GXYLT2: variants seen among roughly 807,000 people sequenced by gnomAD.
GXYLT2 encodes glycosyltransferase 8 domain containing 4.
In GXYLT2, 53 loss-of-function variants were observed where a neutral mutation model predicts 45.8. The ratio of observed to expected loss-of-function variants is 1.16; its 90% CI spans 0.93 to 1.46. The LOEUF (loss-of-function observed/expected upper bound fraction) is 1.46, where lower values mean the gene tolerates loss of function less well. Among genes scored for constraint, GXYLT2 ranks in the 40% most tolerant of loss-of-function variants. The probability of loss-of-function intolerance (pLI) is 0.00; values close to 1 mark genes in which losing one functional copy is unlikely to be tolerated. For missense variants in GXYLT2, 551 were observed against 544.4 expected, an observed-to-expected ratio of 1.01 and a Z score of -0.12; for synonymous variants, 219 against 214.2, an observed-to-expected ratio of 1.02 and a Z score of -0.19.
intron 1 of GXYLT2, among the ~76,000 whole-genome samples, chr3:72,895,399 C>G (rs1159826564): frequency 6.6e-6 from 1 of 152,144 alleles, no homozygotes; most frequent in African/African-American, 2.4e-5. Context: ...GTTTGACTTG[C>G]ATTTGTTACT....
At chr3:72,972,023 TTCTC>T (rs1460024485) in intron 6 of GXYLT2, among the ~76,000 whole-genome samples, 1 of 152,100 alleles carries the variant, frequency 6.6e-6, no homozygotes, top group Admixed American at 6.6e-5. Flanking sequence ...TTTTTCACAT[TTCTC>T]TCTCTCTTCT....
At chr3:72,893,395 A>G (rs1351492914) in intron 1 of GXYLT2, among the ~76,000 whole-genome samples, 3 of 152,166 alleles carry the variant, frequency 2.0e-5, no homozygotes, top group African/African-American at 4.8e-5. Flanking sequence ...TTTCAGGACT[A>G]TGCTCAAATG....
chr3:72,904,204 A>G (rs867452698), intron 1 of GXYLT2, among the ~76,000 whole-genome samples: 2 of 152,206 alleles, frequency 1.3e-5, no homozygotes, highest in Non-Finnish European at 2.9e-5. Flanking sequence ...TCCCTGCCCA[A>G]TCCTAGTCAT....
intron 3 of GXYLT2, among the ~76,000 whole-genome samples, chr3:72,928,679 T>C (rs926478476): frequency 6.6e-6 from 1 of 152,030 alleles, no homozygotes; most frequent in African/African-American, 2.4e-5. Flanking sequence ...CGTGCCCTCC[T>C]GGAGTCATAA....
chr3:72,940,854 T>G lies in GXYLT2; in HGVS notation c.601-14244T>G, dbSNP rs535132863. 2.6e-5 allele frequency among the ~76,000 whole-genome samples: 4 copies of G among 152,254 alleles called. No individual in the cohort carries two copies. The East Asian group carries it at 7.7e-4, about 29-fold the overall frequency. ...AAACTACCACACCTGACTAATTTTT[T>G]AATTTTTTGTAAAGATTGGATCTGT... On this transcript the variant is annotated intron_variant, in intron 3 of 6. Coordinates refer to ENST00000389617, the MANE Select transcript of GXYLT2 (RefSeq NM_001080393.2).
chr3:72,931,264 T>C (rs868852554), intron 3 of GXYLT2, among the ~76,000 whole-genome samples: 96 of 152,014 alleles, frequency 6.3e-4, no homozygotes, highest in African/African-American at 2.2e-3. Context: ...AGTCTTGCAC[T>C]GTCCCCAGGC....
intron 3 of GXYLT2, among the ~76,000 whole-genome samples, chr3:72,943,143 T>C (rs1575804259): frequency 6.6e-6 from 1 of 152,118 alleles, no homozygotes; most frequent in South Asian, 2.1e-4. Context: ...AAGAGATGTG[T>C]GTTTCAGAAA....
chr3:72,959,627 G>C (rs1247273115), intron 5 of GXYLT2, among the ~76,000 whole-genome samples: 1 of 151,658 alleles, frequency 6.6e-6, no homozygotes, highest in South Asian at 2.1e-4. Context: ...TTTCTTCTTA[G>C]GTAGGTTTCA....
chr3:72,973,335 A>G (rs1345665041), intron 6 of GXYLT2, among the ~76,000 whole-genome samples: 1 of 152,106 alleles, frequency 6.6e-6, no homozygotes, highest in Non-Finnish European at 1.5e-5. Context: ...GGAGGCAGGA[A>G]TGAATTTGGT....
At chr3:72,957,198 T>C (rs1300902354) in intron 4 of GXYLT2, 31 bp from the exon 5 acceptor site, 1 of 1,590,018 alleles carries the variant, frequency 6.3e-7, no homozygotes, top group Admixed American at 1.8e-5. Flanking sequence ...TTGCTTTGCT[T>C]CAGCTGTTCT....
chr3:72,909,895 AAAAG>A (rs1380585882), intron 2 of GXYLT2, among the ~76,000 whole-genome samples: 1 of 152,202 alleles, frequency 6.6e-6, no homozygotes, highest in Non-Finnish European at 1.5e-5. Flanking sequence ...AATGCCCAAA[AAAAG>A]CATGTTGGGC....
intron 3 of GXYLT2, among the ~76,000 whole-genome samples, chr3:72,923,622 G>A (rs1709870029): frequency 6.6e-6 from 1 of 152,182 alleles, no homozygotes; most frequent in Non-Finnish European, 1.5e-5. Context: ...GCTCAGTGAT[G>A]ATGACATGGT....
Position 72,957,217 on chromosome 3 carries a change from T to C in GXYLT2, c.853-12T>C, listed in dbSNP as rs1227062921. On this transcript the variant is annotated splice_polypyrimidine_tract_variant and intron_variant, in intron 4 of 6. Transcript: ENST00000389617. ...TTTGCTTCAGCTGTTCTGATGGTTT[T>C]CTTTTTTCCAGAACAGCATGATTCC... The C allele has an allele frequency of 6.2e-7, 1 of 1,602,740 alleles. No homozygotes were observed. Among genetic ancestry groups the C allele is most frequent in the Non-Finnish European group, 8.5e-7 (1 of 1,176,576 alleles).
intron 6 of GXYLT2, among the ~76,000 whole-genome samples, 182 bp downstream of exon 6, chr3:72,967,901 A>G (rs891843994): frequency 6.6e-5 from 10 of 152,140 alleles, no homozygotes; most frequent in Admixed American, 6.6e-5. Flanking sequence ...TGTCATATCT[A>G]CTTGACTTAT....
intron 2 of GXYLT2, among the ~76,000 whole-genome samples, chr3:72,914,444 A>G (rs1709691628): frequency 6.6e-6 from 1 of 152,070 alleles, no homozygotes; most frequent in Non-Finnish European, 1.5e-5. Context: ...GGACACACAA[A>G]TAAGGAGGCT....
chr3:72,915,768 G>A (rs1383601834), intron 2 of GXYLT2, among the ~76,000 whole-genome samples: 1 of 152,000 alleles, frequency 6.6e-6, no homozygotes, highest in African/African-American at 2.4e-5. Context: ...AGGAGGCAGA[G>A]GTTGCAGTGA....
At chr3:72,958,629 C>CTTTTTTT (rs760548760) in intron 5 of GXYLT2, among the ~76,000 whole-genome samples, 1 of 108,734 alleles carries the variant, frequency 9.2e-6, no homozygotes, top group Non-Finnish European at 1.8e-5. Flanking sequence ...TCACTTGTGG[C>CTTTTTTT]TTTTTTTTTT....
At chr3:72,967,194 GA>G (rs1393098391) in intron 5 of GXYLT2, among the ~76,000 whole-genome samples, 1 of 152,222 alleles carries the variant, frequency 6.6e-6, no homozygotes, top group African/African-American at 2.4e-5. Context: ...TTACAGATGA[GA>G]AAACAGAAGT....
Position 72,951,883 on chromosome 3 carries a change from C to T in GXYLT2, c.601-3215C>T, listed in dbSNP as rs577967849. ...GACAGAGTCTTACTCACTCTGTCTCCCAGGCTGCAGTGCAGTGGCACAATC... is the reference window on the plus strand; with the variant it reads ...GACAGAGTCTTACTCACTCTGTCTCTCAGGCTGCAGTGCAGTGGCACAATC... On this transcript the variant is annotated intron_variant, in intron 3 of 6. Coordinates refer to ENST00000389617, the MANE Select transcript of GXYLT2 (RefSeq NM_001080393.2). Among the ~76,000 whole-genome samples the T allele has an allele frequency of 3.3e-5, 5 of 151,698 alleles. No individual in the cohort carries two copies. The East Asian group carries it at 5.8e-4, about 18-fold the overall frequency.
Sources: allele counts gnomAD v4.1 joint callset (sites outside exome capture counted in the v4.1 genomes callset), GRCh38; gene constraint gnomAD v4.1.1; transcripts MANE v1.5; gene names NCBI Gene and HGNC (gene_info 2026-07-23, HGNC 2026-07-21).